Variants in MATR3 observed in about 807,000 individuals in gnomAD.
The protein encoded by MATR3 is matrin-3.
In MATR3, 4 loss-of-function variants were observed where a neutral mutation model predicts 85.5. The observed-to-expected ratio is 0.05, with a 90% CI of 0.02 to 0.11. MATR3 has a LOEUF of 0.11. MATR3 is among the 10% of genes least tolerant of loss of function. The pLI, the probability that MATR3 is intolerant of heterozygous loss-of-function variation, is 1.00. For synonymous variants in MATR3, 336 were observed against 343.1 expected, an observed-to-expected ratio of 0.98 and a Z score of 0.23; for missense variants, 685 against 1,016.1, an observed-to-expected ratio of 0.67 and a Z score of 4.43.
intron 3 of MATR3, chr5:139,280,032 A>T (rs1335723698): frequency 6.6e-6 from 1 of 152,242 alleles, no homozygotes; most frequent in Admixed American, 6.5e-5. Context: ...TAGAGCAGGG[A>T]TCAGCAAACT....
chr5:139,305,878 T>A (rs1344358057), intron 1 of MATR3, among the ~76,000 whole-genome samples: 4 of 152,338 alleles, frequency 2.6e-5, no homozygotes, highest in South Asian at 4.1e-4. Flanking sequence ...CAACTTTTTT[T>A]ATACTTCCTT....
Position 139,331,187 on chromosome 5 carries a change from T to G in MATR3, c.*1792T>G, listed in dbSNP as rs1278885074. 4.4e-6 allele frequency: 2 copies of G among 454,016 alleles called. No individual in the cohort carries two copies. Among genetic ancestry groups the G allele is most frequent in the African/African-American group, 2.0e-5 (1 of 50,008 alleles). 28.1% of individuals were successfully genotyped at this position (454,016 alleles called of 1,614,324 possible). A position where few individuals can be genotyped will look rare whatever the true frequency, so the allele number is the denominator to read the frequency against. ...CCAGTTTATTAAAGGATACTTCAAA[T>G]AGTTGGCTAAATTTTATGATCTCTC... On this transcript the variant is annotated 3_prime_UTR_variant, in exon 15 of 15. Transcript: ENST00000394805.
At chr5:139,294,336 TC>T (rs2151918212) in intron 1 of MATR3, among the ~76,000 whole-genome samples, 1 of 152,284 alleles carries the variant, frequency 6.6e-6, no homozygotes, top group Admixed American at 6.5e-5. Context: ...CTGAAAATGT[TC>T]CCCCAAAATG....
intron 1 of MATR3, chr5:139,294,105 G>A (rs1307592381): frequency 3.3e-6 from 4 of 1,225,410 alleles, no homozygotes; most frequent in Admixed American, 4.1e-5. Context: ...GAAGAGGTGC[G>A]CTGACCGGCC....
intron 3 of MATR3, among the ~76,000 whole-genome samples, chr5:139,286,663 G>A (rs772101732): frequency 5.9e-5 from 9 of 151,506 alleles, no homozygotes; most frequent in South Asian, 2.1e-4. Context: ...TAGCCAACTT[G>A]GTGAAATCCC....
At chr5:139,303,896 T>C (rs1754580766) in intron 1 of MATR3, among the ~76,000 whole-genome samples, 1 of 152,218 alleles carries the variant, frequency 6.6e-6, no homozygotes, top group African/African-American at 2.4e-5. Context: ...GAAATTTAGA[T>C]CTGGAACAGC....
At position 139,329,684 on chromosome 5, in the gene MATR3, A is replaced by G. The variant is rs1561947924; in HGVS notation, c.*289A>G. The G allele has an allele frequency of 2.1e-6, 1 of 477,692 alleles. No individual in the cohort carries two copies. The highest frequency in any genetic ancestry group is 4.1e-6 in the Non-Finnish European group (1 of 243,098). 29.6% of individuals were successfully genotyped at this position (477,692 alleles called of 1,614,324 possible). ...GACAACTTGCACCACTAAGAAAAAA[A>G]TGTAGAACCATTTGGAAAAATGAAA... is the stretch of plus-strand genomic sequence containing the variant. On this transcript the variant is annotated 3_prime_UTR_variant, in exon 15 of 15. Transcript: ENST00000394805.
In MATR3 at chr5:139,329,400, T is replaced by A. The variant is rs2152033788; in HGVS notation, c.*5T>A. The A allele has an allele frequency of 6.2e-7, 1 of 1,608,610 alleles. No individual in the cohort carries two copies. Among genetic ancestry groups the A allele is most frequent in the Non-Finnish European group, 8.5e-7 (1 of 1,175,676 alleles). ...AGACAGAAGAAGGAAACTTAAGATG[T>A]GCAAGGAGATTTAATGATTTCAAAG... is the stretch of plus-strand genomic sequence containing the variant. On this transcript the variant is annotated 3_prime_UTR_variant, in exon 15 of 15. Transcript: ENST00000394805.
chr5:139,304,425 A>T (rs1425403531), intron 1 of MATR3, among the ~76,000 whole-genome samples: 1 of 151,466 alleles, frequency 6.6e-6, no homozygotes, highest in African/African-American at 2.4e-5. Context: ...ACTTGAACCT[A>T]GGAGGCAGAG....
At position 139,293,788 on chromosome 5, in the gene MATR3, C is replaced by T. The variant is rs1043391307; in HGVS notation, c.-195C>T. Reference sequence around the variant, plus strand: ...TGGGAGAGAGGTACCTCTCCTTTTCCCTCTCCCTTTCCCTAAGGTAGGCGT... The same window carrying T: ...TGGGAGAGAGGTACCTCTCCTTTTCTCTCTCCCTTTCCCTAAGGTAGGCGT... On this transcript the variant is annotated 5_prime_UTR_variant, in exon 1 of 15. Transcript: ENST00000394805. 15 of 397,742 alleles carry T rather than the reference C, an allele frequency of 3.8e-5. No homozygotes were observed. Among genetic ancestry groups the T allele is most frequent in the Non-Finnish European group, 4.9e-5 (11 of 226,738 alleles). The allele number at this position is 397,742 out of a possible 1,614,324, so 24.6% of individuals were successfully genotyped here.
At chr5:139,277,802 TTA>T (rs1172051761) in intron 2 of MATR3, among the ~76,000 whole-genome samples, 2 of 151,384 alleles carry the variant, frequency 1.3e-5, no homozygotes, top group Non-Finnish European at 2.9e-5. Flanking sequence ...ATTGTATATG[TTA>T]TATGGGGTAC....
intron 2 of MATR3, chr5:139,311,288 ATG>A (rs1255653792): frequency 6.6e-6 from 1 of 152,154 alleles, no homozygotes; most frequent in East Asian, 1.9e-4. Flanking sequence ...ATCAAGGTGA[ATG>A]TAGTTTTCCT....
rs754036444 is a variant in MATR3, at chr5:139,317,137, T to C, written c.1182+32T>C. ...AATGAAGCTTTTGGTTTTACTGTAT[T>C]TATGATTTTTGGGAATATGATTTGA... On this transcript the variant is annotated intron_variant, in intron 6 of 14. Coordinates refer to ENST00000394805, the MANE Select transcript of MATR3 (RefSeq NM_018834.6). 19 of 1,606,014 alleles carry C rather than the reference T, an allele frequency of 1.2e-5. No homozygotes were observed. The South Asian group carries it at 2.1e-4, about 18-fold the overall frequency.
chr5:139,331,562 G>A lies in MATR3; in HGVS notation c.*2167G>A, dbSNP rs776980331. On this transcript the variant is annotated 3_prime_UTR_variant, in exon 15 of 15. Transcript: ENST00000394805. Reference sequence around the variant, plus strand: ...GAGAAAACCTCTTTTTAGTAGGAATGTTTCCACTCATGTTTGCTGTAAAGT... The same window carrying A: ...GAGAAAACCTCTTTTTAGTAGGAATATTTCCACTCATGTTTGCTGTAAAGT... The A allele has an allele frequency of 1.3e-5, 6 of 454,128 alleles. No homozygotes were observed. The highest frequency in any genetic ancestry group is 2.2e-5 in the Non-Finnish European group (5 of 226,792). The allele number at this position is 454,128 out of a possible 1,614,324, so 28.1% of individuals were successfully genotyped here.
chr5:139,331,285 A>G lies in MATR3; in HGVS notation c.*1890A>G, dbSNP rs1231562588. On this transcript the variant is annotated 3_prime_UTR_variant, in exon 15 of 15. Transcript: ENST00000394805. ...CTTGCCAGTTTACTTCTGCAATTTA[A>G]TTTTAGCCTTTACTAATTACCCACT... 4.4e-6 allele frequency: 2 copies of G among 454,126 alleles called. No individual in the cohort carries two copies. The highest frequency in any genetic ancestry group is 4.0e-5 in the African/African-American group (2 of 50,136). The allele number at this position is 454,126 out of a possible 1,614,324, so 28.1% of individuals were successfully genotyped here. A position where few individuals can be genotyped will look rare whatever the true frequency, so the allele number is the denominator to read the frequency against.
In MATR3 at chr5:139,274,103, C is replaced by CT. The variant is rs752169744; in HGVS notation, c.-342dup. The CT allele has an allele frequency of 3.3e-5, 15 of 450,736 alleles. 1 individual carries two copies. Among genetic ancestry groups the CT allele is most frequent in the South Asian group, 2.3e-4 (15 of 64,286 alleles). 27.9% of individuals were successfully genotyped at this position (450,736 alleles called of 1,614,324 possible). The stretch of plus-strand genomic sequence containing the variant: ...GGGTTCCCCTCGGCTCCCGGCTGCC[C>CT]TTTCCCCTCCGGCCTCTGCCGGTGC... On this transcript the variant is annotated 5_prime_UTR_variant, in exon 1 of 17. Transcript: ENST00000509990.
At chr5:139,320,743 C>CTTTTTTTTTTT (rs1175972721) in intron 9 of MATR3, among the ~76,000 whole-genome samples, 4 of 102,420 alleles carry the variant, frequency 3.9e-5, no homozygotes, top group African/African-American at 1.9e-4. Flanking sequence ...AAGCTTATTA[C>CTTTTTTTTTTT]TTTTTTTTTT....
chr5:139,303,939 T>C (rs1754583428), intron 1 of MATR3, among the ~76,000 whole-genome samples: 1 of 152,148 alleles, frequency 6.6e-6, no homozygotes, highest in Non-Finnish European at 1.5e-5. Context: ...ATTTTCAGGG[T>C]ATGTGAAATT....
chr5:139,287,464 C>A (rs1350508086), intron 3 of MATR3, among the ~76,000 whole-genome samples: 1 of 152,002 alleles, frequency 6.6e-6, no homozygotes, highest in East Asian at 1.9e-4. Context: ...ACTAAAAGTA[C>A]AAAAATTAGC....
Sources: allele counts gnomAD v4.1 joint callset (sites outside exome capture counted in the v4.1 genomes callset), GRCh38; gene constraint gnomAD v4.1.1; transcripts MANE v1.5; gene names NCBI Gene and HGNC (gene_info 2026-07-23, HGNC 2026-07-21).